Variants in SYNE1 observed in about 807,000 individuals in gnomAD.
The protein encoded by SYNE1 is nesprin-1.
A neutral mutation model predicts 1,111.0 loss-of-function variants in SYNE1; 616 were observed. That is an observed-to-expected ratio of 0.55 (90% CI 0.52 to 0.59). The LOEUF (loss-of-function observed/expected upper bound fraction) is 0.59. SYNE1 is among the 20% of genes least tolerant of loss of function. SYNE1 has a pLI of 0.00. For missense variants in SYNE1, 10,006 were observed against 10,417.0 expected (o/e 0.96, Z 1.72); for synonymous variants, 3,855 against 3,825.8 (o/e 1.01, Z -0.28).
In SYNE1 at chr6:152,281,946, T is replaced by C; in HGVS notation, c.18242A>G (p.Gln6081Arg). The C allele has an allele frequency of 6.2e-7, 1 of 1,614,190 alleles. No individual in the cohort carries two copies. The highest frequency in any genetic ancestry group is 8.5e-7 in the Non-Finnish European group (1 of 1,180,048). ...KLNDQLEEQR[Q>R]EQALQRYRCE... ...GCGATACCTCTGCAGGGCCTGTTCC[T>C]GCCTTTGTTCCTCCAGCTGATCATT... is the stretch of plus-strand genomic sequence containing the variant. Residue 6081 changes from glutamine to arginine, a missense_variant, in exon 97 of 146, where the codon CAG (glutamine) becomes CGG (arginine). Gln to Arg is a conservative substitution (Grantham distance 43). This residue lies in a region of SYNE1 where 99 missense variants were observed against 147.8 expected (regional missense o/e 0.67). Transcript: ENST00000367255.
intron 23 of SYNE1, 72 bp from the exon 24 acceptor site, chr6:152,455,662 T>C (rs754164161): frequency 6.7e-5 from 107 of 1,590,290 alleles, no homozygotes; most frequent in Non-Finnish European, 8.6e-5. Context: ...TTAGAGGGTA[T>C]TATTCATTTA....
rs752901961 is a variant in SYNE1, at chr6:152,331,188, T to C, written c.13497A>G (p.Ala4499=). 3 of 1,614,050 alleles carry C rather than the reference T, an allele frequency of 1.9e-6. No homozygotes were observed. Among genetic ancestry groups the C allele is most frequent in the Non-Finnish European group, 2.5e-6 (3 of 1,180,038 alleles). Residue 4499 remains alanine, a synonymous_variant, in exon 78 of 146, where the codon GCA becomes GCG. Coordinates refer to ENST00000367255, the MANE Select transcript of SYNE1 (RefSeq NM_182961.4). ...VSKQVKTCKS[A]QASLKTYQNE... ...TTTGGTAAGTCTTGAGGCTGGCTTG[T>C]GCACTCTTACATGTTTTGACTTGTT...
At chr6:152,395,073 G>A (rs572486975) in intron 51 of SYNE1, among the ~76,000 whole-genome samples, 44 of 151,406 alleles carry the variant, frequency 2.9e-4, no homozygotes, top group Admixed American at 2.5e-3. Context: ...GTGAGCCACC[G>A]CACCTGGCAA....
At chr6:152,514,632 A>C (rs1349079938) in intron 6 of SYNE1, among the ~76,000 whole-genome samples, 1 of 151,810 alleles carries the variant, frequency 6.6e-6, no homozygotes, top group African/African-American at 2.4e-5. Context: ...TAATTTAAAA[A>C]AATAATAAAA....
rs903424584 is a variant in SYNE1, at chr6:152,399,649, T to C, written c.7204A>G (p.Ser2402Gly). Residue 2402 changes from serine (S) to glycine (G), a missense_variant, in exon 48 of 146, where the codon AGC becomes GGC. Physicochemically the swap from Ser to Gly is moderately conservative, Grantham distance 56 (BLOSUM62 0). Transcript: ENST00000367255. ...VSQLCSKTQA[S>G]LQESLEKHFS... is the part of the protein sequence containing the mutation. Reference sequence around the variant, plus strand: ...TGTTTTTCCAGAGATTCCTGCAGGCTGGCCTGGGTTTTGGAGCACAACTGG... The same window carrying C: ...TGTTTTTCCAGAGATTCCTGCAGGCCGGCCTGGGTTTTGGAGCACAACTGG... 1 of 1,614,174 alleles carries C rather than the reference T, an allele frequency of 6.2e-7. No individual in the cohort carries two copies. Among genetic ancestry groups the C allele is most frequent in the African/African-American group, 1.3e-5 (1 of 75,044 alleles).
At chr6:152,383,159 T>C (rs2097455863) in intron 55 of SYNE1, among the ~76,000 whole-genome samples, 1 of 152,178 alleles carries the variant, frequency 6.6e-6, no homozygotes, top group African/African-American at 2.4e-5. Context: ...TCTGATAGTC[T>C]TCACTTTCTC....
intron 3 of SYNE1, among the ~76,000 whole-genome samples, chr6:152,610,627 T>C (rs916828206): frequency 1.3e-5 from 2 of 152,054 alleles, no homozygotes; most frequent in Admixed American, 6.6e-5. Flanking sequence ...AACATTCAAA[T>C]ACAGGAAGTT....
chr6:152,345,362 C>G (rs1316433183), intron 73 of SYNE1, among the ~76,000 whole-genome samples: 2 of 152,160 alleles, frequency 1.3e-5, no homozygotes, highest in Non-Finnish European at 2.9e-5. Context: ...CTCATTTTCT[C>G]TCTTCACTCC....
chr6:152,560,088 C>T (rs184997409), intron 3 of SYNE1, among the ~76,000 whole-genome samples: 1 of 152,156 alleles, frequency 6.6e-6, no homozygotes, highest in Non-Finnish European at 1.5e-5. Flanking sequence ...CATGGTGGCT[C>T]ACACCCGAAA....
At chr6:152,324,795 C>T (rs1169258278) in intron 81 of SYNE1, among the ~76,000 whole-genome samples, 1 of 152,096 alleles carries the variant, frequency 6.6e-6, no homozygotes, top group South Asian at 2.1e-4. Flanking sequence ...AGGGAGACTC[C>T]GTCAAAAAAA....
At chr6:152,124,074 A>G (rs1201200035) in intron 145 of SYNE1, among the ~76,000 whole-genome samples, 1 of 152,252 alleles carries the variant, frequency 6.6e-6, no homozygotes, top group African/African-American at 2.4e-5. Flanking sequence ...CTGTAATCCC[A>G]GCGCTTTGGG....
In SYNE1 at chr6:152,359,413, T is replaced by C; in HGVS notation, c.10345A>G (p.Ile3449Val). Reference sequence around the variant, plus strand: ...GTCATGCCAGCCCCTTTGACTTCGATGGTCTCCAGCAAGCTGCTGTAACTC... The same window carrying C: ...GTCATGCCAGCCCCTTTGACTTCGACGGTCTCCAGCAAGCTGCTGTAACTC... ...VLSYSSLLET[I>V]EVKGAGMTEH... is the part of the protein sequence containing the mutation. Residue 3449 changes from isoleucine (I) to valine (V), a missense_variant, in exon 65 of 146, where the codon ATC (isoleucine) becomes GTC (valine). Ile to Val is a conservative substitution (Grantham distance 29, BLOSUM62 3). Transcript: ENST00000367255. The C allele has an allele frequency of 1.9e-6, 3 of 1,614,192 alleles. No individual in the cohort carries two copies. The highest frequency in any genetic ancestry group is 2.5e-6 in the Non-Finnish European group (3 of 1,180,034).
chr6:152,609,878 C>T (rs542734322), intron 3 of SYNE1, among the ~76,000 whole-genome samples: 1 of 152,198 alleles, frequency 6.6e-6, no homozygotes, highest in African/African-American at 2.4e-5. Flanking sequence ...CTCCAGCAAA[C>T]TCCAACAGAC....
At chr6:152,321,440 T>G (rs2095866981) in intron 83 of SYNE1, 50 bp from the exon 84 acceptor site, 1 of 1,600,380 alleles carries the variant, frequency 6.2e-7, no homozygotes, top group Non-Finnish European at 8.5e-7. Context: ...CTAAGGGGAC[T>G]GTTATAGACA....
intron 3 of SYNE1, among the ~76,000 whole-genome samples, chr6:152,543,687 C>T (rs934197795): frequency 2.0e-5 from 3 of 152,164 alleles, no homozygotes; most frequent in African/African-American, 7.2e-5. Context: ...GACAGTAGTG[C>T]CATAAGATTA....
chr6:152,273,850 C>T (rs186490751), intron 98 of SYNE1, among the ~76,000 whole-genome samples: 3 of 152,270 alleles, frequency 2.0e-5, no homozygotes, highest in East Asian at 1.9e-4. Context: ...TCCCAGGCCA[C>T]GAGACCTTGG....
intron 93 of SYNE1, among the ~76,000 whole-genome samples, chr6:152,299,060 G>A (rs929554739): frequency 6.6e-6 from 1 of 152,190 alleles, no homozygotes; most frequent in Admixed American, 6.5e-5. Flanking sequence ...TGTGGTTAAT[G>A]TCAAGAAATA....
chr6:152,173,383 C>A (rs769831198), intron 130 of SYNE1, among the ~76,000 whole-genome samples: 5 of 152,206 alleles, frequency 3.3e-5, no homozygotes, highest in Non-Finnish European at 7.3e-5. Context: ...ATAACCTCTC[C>A]ATTCCCACAA....
At chr6:152,462,526 G>T in intron 20 of SYNE1, 3 of 610,360 alleles carry the variant, frequency 4.9e-6, no homozygotes, top group African/African-American at 1.9e-5. Flanking sequence ...TCTCCAAACT[G>T]AGAAACAATT....
Sources: allele counts gnomAD v4.1 joint callset (sites outside exome capture counted in the v4.1 genomes callset), GRCh38; gene constraint gnomAD v4.1.1; regional missense constraint gnomAD v4.1.1; transcripts MANE v1.5; gene names NCBI Gene and HGNC (gene_info 2026-07-23, HGNC 2026-07-21).